The following LHFPL3 variants were observed in gnomAD, a reference collection of about 807,000 sequenced individuals.
LHFPL3 encodes the protein LHFPL tetraspan subfamily member 3.
Under a neutral mutation model 19.3 loss-of-function variants are expected in LHFPL3, and 5 were observed. The ratio of observed to expected loss-of-function variants is 0.26; its 90% confidence interval spans 0.14 to 0.54. The LOEUF is 0.54. Among genes scored for constraint, LHFPL3 ranks in the 20% least tolerant of loss-of-function variants. The probability of loss-of-function intolerance (pLI) is 0.94; values close to 1 mark genes in which losing one functional copy is unlikely to be tolerated. For synonymous variants in LHFPL3, 133 were observed against 126.2 expected (o/e 1.05, Z -0.36); for missense variants, 249 against 307.4 (o/e 0.81, Z 1.42).
intron 1 of LHFPL3, among the ~76,000 whole-genome samples, chr7:104,434,591 G>T (rs1364264663): frequency 6.6e-6 from 1 of 152,130 alleles, no homozygotes; most frequent in South Asian, 2.1e-4. Context: ...CTTCACCATG[G>T]CATATTTATA....
In LHFPL3 at chr7:104,420,554, A is replaced by ATTTTTTTTT. The variant is rs71153195; in HGVS notation, c.445+91345_445+91353dup. On this transcript the variant is annotated intron_variant, in intron 1 of 2. Coordinates refer to ENST00000424859, the MANE Select transcript of LHFPL3 (RefSeq NM_199000.3). The stretch of plus-strand genomic sequence containing the variant: ...TTACTGGTGGCCTCCCAAAGGGTGA[A>ATTTTTTTTT]TTTTTTTTTTTTTTTTTTTTTTTGA... Among the ~76,000 whole-genome samples the ATTTTTTTTT allele has an allele frequency of 9.8e-5, 11 of 112,720 alleles. No individual in the cohort carries two copies. In the East Asian group the frequency reaches 2.4e-3, roughly 24 times the overall value. The allele number at this position is 112,720 out of a possible 152,430, so 73.9% of individuals were successfully genotyped here.
intron 1 of LHFPL3, among the ~76,000 whole-genome samples, chr7:104,597,792 G>T (rs979303872): frequency 6.6e-6 from 1 of 152,082 alleles, no homozygotes; most frequent in African/African-American, 2.4e-5. Flanking sequence ...AAAGTTCATA[G>T]AAAATGTGAA....
At chr7:104,516,416 A>G (rs1793922613) in intron 1 of LHFPL3, among the ~76,000 whole-genome samples, 1 of 152,146 alleles carries the variant, frequency 6.6e-6, no homozygotes. Flanking sequence ...ACAAATTTCC[A>G]TTTTTTAAGA....
At chr7:104,686,909 C>T (rs1792815754) in intron 1 of LHFPL3, among the ~76,000 whole-genome samples, 1 of 152,174 alleles carries the variant, frequency 6.6e-6, no homozygotes, top group Non-Finnish European at 1.5e-5. Context: ...CAGAGTGAAG[C>T]AGGGAAAAGC....
chr7:104,524,364 G>A (rs1459230027), intron 1 of LHFPL3, among the ~76,000 whole-genome samples: 2 of 152,152 alleles, frequency 1.3e-5, no homozygotes, highest in South Asian at 2.1e-4. Context: ...TCTTGACCTC[G>A]AGAAGCTGAG....
At chr7:104,630,915 G>A (rs967749368) in intron 1 of LHFPL3, among the ~76,000 whole-genome samples, 7 of 151,992 alleles carry the variant, frequency 4.6e-5, no homozygotes, top group Admixed American at 2.0e-4. Context: ...ACCATTCCCC[G>A]GGACTGAGAT....
At chr7:104,880,305 G>C (rs943346921) in intron 2 of LHFPL3, among the ~76,000 whole-genome samples, 5 of 151,652 alleles carry the variant, frequency 3.3e-5, no homozygotes, top group African/African-American at 1.2e-4. Flanking sequence ...TGATACATTG[G>C]CTCCCCCTTT....
intron 1 of LHFPL3, among the ~76,000 whole-genome samples, chr7:104,733,336 CT>C (rs2116289396): frequency 6.6e-6 from 1 of 152,142 alleles, no homozygotes; most frequent in South Asian, 2.1e-4. Context: ...AAAATCTCCC[CT>C]TATTATTGTG....
chr7:104,675,656 C>T (rs1425033215), intron 1 of LHFPL3, among the ~76,000 whole-genome samples: 1 of 152,122 alleles, frequency 6.6e-6, no homozygotes, highest in African/African-American at 2.4e-5. Context: ...GAAATAATCA[C>T]ATTTTGAGTT....
chr7:104,729,576 G>A (rs1793653815), intron 1 of LHFPL3, among the ~76,000 whole-genome samples: 1 of 152,106 alleles, frequency 6.6e-6, no homozygotes, highest in Non-Finnish European at 1.5e-5. Flanking sequence ...CCACTTCTAT[G>A]AGATCAACTC....
At chr7:104,614,015 CA>C (rs1791260354) in intron 1 of LHFPL3, among the ~76,000 whole-genome samples, 1 of 152,096 alleles carries the variant, frequency 6.6e-6, no homozygotes, top group South Asian at 2.1e-4. Flanking sequence ...GATCATATTT[CA>C]AAGAATTGGC....
intron 1 of LHFPL3, among the ~76,000 whole-genome samples, chr7:104,348,362 C>T (rs138698048): frequency 6.6e-6 from 1 of 152,170 alleles, no homozygotes; most frequent in Non-Finnish European, 1.5e-5. Context: ...TCCAGCCTGG[C>T]GACAGAGCGA....
chr7:104,635,945 A>G (rs1021627748), intron 1 of LHFPL3, among the ~76,000 whole-genome samples: 3 of 152,158 alleles, frequency 2.0e-5, no homozygotes. Flanking sequence ...CTGTTTATAG[A>G]GCTGTTAGAG....
At position 104,558,141 on chromosome 7, in the gene LHFPL3, G is replaced by A. The variant is rs956978517; in HGVS notation, c.446-178534G>A. ...GTGAATAATGCCGCAATAAACATAC[G>A]TGTGCATGTGTCTTTATAGCAGCAT... On this transcript the variant is annotated intron_variant, in intron 1 of 2. Coordinates refer to ENST00000424859, the MANE Select transcript of LHFPL3 (RefSeq NM_199000.3). 4.0e-5 allele frequency among the ~76,000 whole-genome samples: 6 copies of A among 151,044 alleles called. No homozygotes were observed. In the East Asian group the frequency reaches 7.7e-4, roughly 20 times the overall value.
intron 1 of LHFPL3, among the ~76,000 whole-genome samples, chr7:104,578,363 A>G (rs148099879): frequency 3.7e-3 from 562 of 152,260 alleles, no homozygotes; most frequent in African/African-American, 0.013. Flanking sequence ...CCATCAGGAT[A>G]AACAGATTTT....
chr7:104,626,038 A>G (rs941646737), intron 1 of LHFPL3, among the ~76,000 whole-genome samples: 1 of 152,248 alleles, frequency 6.6e-6, no homozygotes, highest in Admixed American at 6.5e-5. Context: ...TTCAGTAAGA[A>G]TAAACAACAC....
chr7:104,851,538 C>T (rs1034169211), intron 2 of LHFPL3, among the ~76,000 whole-genome samples: 2 of 152,192 alleles, frequency 1.3e-5, no homozygotes, highest in African/African-American at 2.4e-5. Context: ...TTGGCTTATA[C>T]GGCCAACGCA....
At chr7:104,425,902 C>T (rs958971321) in intron 1 of LHFPL3, among the ~76,000 whole-genome samples, 11 of 152,114 alleles carry the variant, frequency 7.2e-5, no homozygotes, top group Non-Finnish European at 1.5e-5. Context: ...TATCCTTTCC[C>T]AAGTCTCCCC....
intron 1 of LHFPL3, among the ~76,000 whole-genome samples, chr7:104,613,609 C>A (rs1791250189): frequency 6.6e-6 from 1 of 152,142 alleles, no homozygotes; most frequent in Non-Finnish European, 1.5e-5. Flanking sequence ...AACCCATCTA[C>A]CCTCCACTCA....
Sources: allele counts gnomAD v4.1 joint callset (sites outside exome capture counted in the v4.1 genomes callset), GRCh38; gene constraint gnomAD v4.1.1; transcripts MANE v1.5; gene names NCBI Gene and HGNC (gene_info 2026-07-23, HGNC 2026-07-21).